Variants in CCAR2 observed in about 807,000 individuals in gnomAD.
CCAR2 encodes the protein cell cycle and apoptosis regulator 2.
CCAR2 carries 21 observed loss-of-function variants against 108.1 expected under a neutral mutation model. The ratio of observed to expected loss-of-function variants is 0.19; its 90% CI spans 0.14 to 0.28. The LOEUF is 0.28. Ranked by LOEUF, CCAR2 falls within the 10% of genes least tolerant of loss-of-function variation. CCAR2 has a pLI of 1.00. For missense variants in CCAR2, 1,126 were observed against 1,177.0 expected (o/e 0.96, Z 0.63); for synonymous variants, 577 against 472.8 (o/e 1.22, Z -2.86).
chr8:22,618,464 T>A lies in CCAR2; in HGVS notation c.2189T>A (p.Leu730His), dbSNP rs777877604. ...LHRRDLERIL[L>H]TLGIRLSAEQ... The stretch of plus-strand genomic sequence containing the variant: ...CGGCGAGACTTAGAGAGGATCCTCC[T>A]TACCCTTGGGATCCGGCTCAGTGCA... Residue 730 changes from leucine (L) to histidine (H), a missense_variant, in exon 17 of 21, where the codon CTT (leucine) becomes CAT (histidine). Leu to His is a moderately conservative substitution (Grantham distance 99, BLOSUM62 -3). This residue lies in a region of CCAR2 where 1,013 missense variants were observed against 993.9 expected (regional missense o/e 1.02). Transcript: ENST00000308511. The A allele has an allele frequency of 3.1e-6, 5 of 1,614,106 alleles. No individual in the cohort carries two copies. The South Asian group carries it at 4.4e-5, about 14-fold the overall frequency.
intron 7 of CCAR2, 55 bp downstream of exon 7, chr8:22,608,120 A>T (rs1418642425): frequency 7.3e-7 from 1 of 1,365,428 alleles, no homozygotes; most frequent in Non-Finnish European, 1.0e-6. Context: ...CATTCTCTTT[A>T]TTTTATTATT....
intron 16 of CCAR2, 160 bp from the exon 17 acceptor site, chr8:22,618,189 C>G (rs917515664): frequency 3.3e-6 from 3 of 901,106 alleles, no homozygotes; most frequent in Non-Finnish European, 5.3e-6. Flanking sequence ...CTCCTGGGTT[C>G]AAGTGATTCT....
rs1357406707 is a variant in CCAR2, at chr8:22,619,563, GAGGCAGT to G, written c.2728-74_2728-68del. 5,328 of 1,492,316 alleles carry G rather than the reference GAGGCAGT, an allele frequency of 3.6e-3. 153 individuals carry two copies. In the African/African-American group the frequency reaches 0.063, roughly 18 times the overall value. 92.4% of individuals were successfully genotyped at this position (1,492,316 alleles called of 1,614,324 possible). On this transcript the variant is annotated intron_variant, in intron 20 of 20. Coordinates refer to ENST00000308511, the MANE Select transcript of CCAR2 (RefSeq NM_001393997.1). ...GCGTGCAGTGGGAGCTTCCCAGCAG[GAGGCAGT>G]CCGCAGTCCGCAGTCCTCAGATCAC... is the stretch of plus-strand genomic sequence containing the variant.
At position 22,615,490 on chromosome 8, in the gene CCAR2, T is replaced by C; in HGVS notation, c.1271T>C (p.Val424Ala). The change falls in exon 12 of 21, where the codon GTG becomes GCG. Residue 424 changes from valine to alanine, a missense_variant. By Grantham distance (64) the Val-to-Ala change is moderately conservative. Transcript: ENST00000308511. Reference sequence around the variant, plus strand: ...CCCCGGCGGCTTCAGACAGTGGTGGTGTACCTGCCGGATGTCTGGACCATC... The same window carrying C: ...CCCCGGCGGCTTCAGACAGTGGTGGCGTACCTGCCGGATGTCTGGACCATC... ...GPPRRLQTVV[V>A]YLPDVWTIMP... The C allele has an allele frequency of 6.2e-7, 1 of 1,613,924 alleles. No individual in the cohort carries two copies. The highest frequency in any genetic ancestry group is 8.5e-7 in the Non-Finnish European group (1 of 1,180,022).
intron 6 of CCAR2, among the ~76,000 whole-genome samples, 200 bp downstream of exon 6, chr8:22,607,525 T>C (rs1801123434): frequency 6.9e-6 from 1 of 144,770 alleles, no homozygotes; most frequent in South Asian, 2.3e-4. Context: ...TGGAGTGCAA[T>C]GACACGATCT....
At chr8:22,619,552 C>G (rs1409695167) in intron 20 of CCAR2, 86 bp from the exon 21 acceptor site, 1 of 1,481,702 alleles carries the variant, frequency 6.7e-7, no homozygotes, top group African/African-American at 1.4e-5. Flanking sequence ...GCAGTGGGAG[C>G]TTCCCAGCAG....
At chr8:22,619,080 G>C in intron 19 of CCAR2, 65 bp downstream of exon 19, 2 of 1,599,830 alleles carry the variant, frequency 1.3e-6, no homozygotes, top group Non-Finnish European at 1.7e-6. Context: ...CTGCTGCTTA[G>C]GCTCAGGCCC....
At chr8:22,614,682 G>GA in intron 10 of CCAR2, 156 bp from the exon 11 acceptor site, 1 of 1,071,200 alleles carries the variant, frequency 9.3e-7, no homozygotes, top group Non-Finnish European at 1.4e-6. Flanking sequence ...CAGAGAGAGC[G>GA]AGGTGGCTGG....
chr8:22,611,812 C>T (rs577559512), intron 7 of CCAR2, among the ~76,000 whole-genome samples: 3 of 152,228 alleles, frequency 2.0e-5, no homozygotes, highest in East Asian at 1.9e-4. Context: ...TATTTTTCCA[C>T]TATGTGTAGT....
chr8:22,618,781 C>T (rs558906423), intron 18 of CCAR2, 46 bp from the exon 19 acceptor site: 24 of 1,613,250 alleles, frequency 1.5e-5, no homozygotes, highest in Middle Eastern at 1.6e-4. Context: ...GCAGGCTGCC[C>T]TCTCTGGAGA....
rs1274554685 is a variant in CCAR2, at chr8:22,604,802, G to T, written c.-79G>T. 1 of 455,592 alleles carries T rather than the reference G, an allele frequency of 2.2e-6. No homozygotes were observed. Among genetic ancestry groups the T allele is most frequent in the East Asian group, 7.0e-5 (1 of 14,370 alleles). 28.2% of individuals were successfully genotyped at this position (455,592 alleles called of 1,614,324 possible). ...CGGCAGCAGCGGCTGTGGTGGTTCC[G>T]GGTGTCTTTGTCCCCCCGGTGTCGC... On this transcript the variant is annotated 5_prime_UTR_variant, in exon 1 of 21. Coordinates refer to ENST00000308511, the MANE Select transcript of CCAR2 (RefSeq NM_001393997.1).
chr8:22,620,814 A>C (rs145744037), downstream of CCAR2: 2 of 152,420 alleles, frequency 1.3e-5, no homozygotes, highest in East Asian at 3.9e-4. Flanking sequence ...TTCTTGTGGG[A>C]CAGTTCCACT....
At chr8:22,612,551 C>T (rs1265254853) in intron 7 of CCAR2, among the ~76,000 whole-genome samples, 1 of 152,248 alleles carries the variant, frequency 6.6e-6, no homozygotes, top group Middle Eastern at 3.2e-3. Flanking sequence ...CAGGCGTGAG[C>T]CACCGCGCCC....
chr8:22,612,274 A>AC (rs1801315013), intron 7 of CCAR2, among the ~76,000 whole-genome samples: 1 of 136,284 alleles, frequency 7.3e-6, no homozygotes, highest in South Asian at 2.4e-4. Context: ...AATAAAATTT[A>AC]CTTTTTTTTT....
Position 22,607,334 on chromosome 8 carries a change from G to T in CCAR2, c.487+9G>T. On this transcript the variant is annotated intron_variant, in intron 6 of 20. Transcript: ENST00000308511. ...ACTCTTTCCTCAGAAGCGTGAGTACGAGTGGCACTGTTGTTGGGTGTGGCA... is the reference window on the plus strand; with the variant it reads ...ACTCTTTCCTCAGAAGCGTGAGTACTAGTGGCACTGTTGTTGGGTGTGGCA... 6.2e-7 allele frequency: 1 copy of T among 1,609,202 alleles called. No individual in the cohort carries two copies. Among genetic ancestry groups the T allele is most frequent in the Non-Finnish European group, 8.5e-7 (1 of 1,179,948 alleles).
At chr8:22,618,147 CA>C in intron 16 of CCAR2, 1 of 647,998 alleles carries the variant, frequency 1.5e-6, no homozygotes, top group East Asian at 2.7e-5. Context: ...TGGTTATTCA[CA>C]GGCATGAATA....
Position 22,620,417 on chromosome 8 carries a change from G to GTTTTTTT in CCAR2, c.*747_*753dup, listed in dbSNP as rs60062081. On this transcript the variant is annotated 3_prime_UTR_variant, in exon 21 of 21. Transcript: ENST00000308511. ...GTTTGACTTTGTATATAAAGTTGGG[G>GTTTTTTT]TTTTTTTTTTTTTTTTTTGGCTTGT... 1.6e-5 allele frequency: 2 copies of GTTTTTTT among 124,092 alleles called. No homozygotes were observed. Among genetic ancestry groups the GTTTTTTT allele is most frequent in the Non-Finnish European group, 1.7e-5 (1 of 59,356 alleles). 7.7% of individuals were successfully genotyped at this position (124,092 alleles called of 1,614,324 possible).
In CCAR2 at chr8:22,615,947, G is replaced by A. The variant is rs191089813; in HGVS notation, c.1608+35G>A. The A allele has an allele frequency of 3.6e-4, 575 of 1,613,082 alleles. 3 individuals carry two copies. In the East Asian group the frequency reaches 0.011, roughly 30 times the overall value. On this transcript the variant is annotated intron_variant, in intron 13 of 20. Transcript: ENST00000308511. ...AAGAGTCTTGGGGAGGCTGTGGGCT[G>A]GGATTTGTGGGCCTGAAGCAGTCTT...
chr8:22,614,289 A>T lies in CCAR2; in HGVS notation c.902A>T (p.Asp301Val). ...GCTGGTGCTGAGCCCATCACTGCAG[A>T]CAGTGACCCCGCTTATAGTTCGAAG... ...PDAGAEPITA[D>V]SDPAYSSKVL... The change falls in exon 9 of 21, where the codon GAC becomes GTC. Residue 301 changes from aspartate to valine, a missense_variant. Physicochemically the swap from Asp to Val is radical, Grantham distance 152. This residue lies in a region of CCAR2 where 1,013 missense variants were observed against 993.9 expected (regional missense o/e 1.02). Transcript: ENST00000308511. 1 of 1,614,050 alleles carries T rather than the reference A, an allele frequency of 6.2e-7. No homozygotes were observed. The highest frequency in any genetic ancestry group is 1.1e-5 in the South Asian group (1 of 91,086).
Sources: gnomAD v4.1 joint callset for allele counts (sites outside exome capture counted in the v4.1 genomes callset) on GRCh38, gnomAD v4.1.1 for gene constraint, gnomAD v4.1.1 regional missense constraint, MANE v1.5 for transcripts, NCBI Gene and HGNC (gene_info 2026-07-23, HGNC 2026-07-21) for gene names.